The following ANKS1B variants were observed in gnomAD, a reference collection of about 807,000 sequenced individuals.
The protein encoded by ANKS1B is ankyrin repeat and sterile alpha motif domain-containing protein 1B.
A neutral mutation model predicts 148.3 loss-of-function variants in ANKS1B; 36 were observed. The ratio of observed to expected loss-of-function variants is 0.24; its 90% CI spans 0.19 to 0.32. ANKS1B has a LOEUF of 0.32. Ranked by LOEUF, ANKS1B falls within the 10% of genes least tolerant of loss-of-function variation. The pLI, the probability that ANKS1B is intolerant of heterozygous loss-of-function variation, is 1.00. For synonymous variants in ANKS1B, 542 were observed against 560.8 expected (o/e 0.97, Z 0.47); for missense variants, 1,157 against 1,542.6 (o/e 0.75, Z 4.19).
chr12:99,231,633 TAAG>T (rs984625895), intron 14 of ANKS1B, among the ~76,000 whole-genome samples: 31 of 151,248 alleles, frequency 2.0e-4, no homozygotes, highest in Non-Finnish European at 5.9e-5. Context: ...AGTTCTGTAA[TAAG>T]GAGATTGTAA....
intron 8 of ANKS1B, among the ~76,000 whole-genome samples, chr12:99,736,703 A>G (rs949077645): frequency 5.3e-5 from 8 of 152,100 alleles, no homozygotes; most frequent in African/African-American, 1.9e-4. Flanking sequence ...ATGGAATTAC[A>G]TTAAACTAAA....
chr12:99,293,321 G>T (rs1307595340), intron 12 of ANKS1B, among the ~76,000 whole-genome samples: 1 of 151,496 alleles, frequency 6.6e-6, no homozygotes, highest in African/African-American at 2.4e-5. Flanking sequence ...TGGACACAGG[G>T]TGGGGAACAT....
At chr12:99,962,902 C>A (rs569570491) in intron 1 of ANKS1B, among the ~76,000 whole-genome samples, 3 of 152,002 alleles carry the variant, frequency 2.0e-5, no homozygotes, top group Admixed American at 2.0e-4. Flanking sequence ...CCGGCTCCGC[C>A]TCCCGGGCTC....
At chr12:99,296,548 TC>T in intron 12 of ANKS1B, among the ~76,000 whole-genome samples, 1 of 152,352 alleles carries the variant, frequency 6.6e-6, no homozygotes, top group Non-Finnish European at 1.5e-5. Context: ...GAGATATCTT[TC>T]CTTGATTACC....
chr12:99,104,589 G>A (rs915980816), intron 15 of ANKS1B: 3 of 152,206 alleles, frequency 2.0e-5, no homozygotes, highest in Non-Finnish European at 2.9e-5. Flanking sequence ...AATAGGCATC[G>A]TTGCACTTGG....
chr12:98,796,104 GTAAT>G (rs1454896410), intron 22 of ANKS1B, among the ~76,000 whole-genome samples: 1 of 152,126 alleles, frequency 6.6e-6, no homozygotes, highest in Non-Finnish European at 1.5e-5. Flanking sequence ...CCACTTTGGG[GTAAT>G]TAAATGTTCA....
At position 98,751,638 on chromosome 12, in the gene ANKS1B, A is replaced by G; in HGVS notation, c.3580-116T>C. The G allele has an allele frequency of 1.0e-6, 1 of 952,722 alleles. No homozygotes were observed. The highest frequency in any genetic ancestry group is 1.6e-5 in the South Asian group (1 of 64,138). 59.0% of individuals were successfully genotyped at this position (952,722 alleles called of 1,614,324 possible). On this transcript the variant is annotated intron_variant, in intron 25 of 26. Coordinates refer to ENST00000683438, the MANE Select transcript of ANKS1B (RefSeq NM_001352186.2). The surrounding 1 kb of genome is among the most constrained non-coding windows in gnomAD (Gnocchi z 4.3). Reference sequence around the variant, plus strand: ...GGAGGAACTTGAACTACTTCACCAGAGGCAGCAGCGATTCGGTGGAAATCT... The same window carrying G: ...GGAGGAACTTGAACTACTTCACCAGGGGCAGCAGCGATTCGGTGGAAATCT...
chr12:99,749,391 A>G (rs1344441877), intron 8 of ANKS1B, among the ~76,000 whole-genome samples: 1 of 152,086 alleles, frequency 6.6e-6, no homozygotes, highest in Non-Finnish European at 1.5e-5. Flanking sequence ...GAACAAAACC[A>G]GTGTAGAGGA....
chr12:98,746,912 C>A (rs897983595), intron 26 of ANKS1B, among the ~76,000 whole-genome samples: 2 of 152,098 alleles, frequency 1.3e-5, no homozygotes, highest in Non-Finnish European at 2.9e-5. Context: ...ATACAGAAAT[C>A]AACTCAAAAT....
rs147564655 is a variant in ANKS1B, at chr12:98,943,091, G to A, written c.2778+110066C>T. 4.6e-5 allele frequency among the ~76,000 whole-genome samples: 7 copies of A among 152,260 alleles called. No individual in the cohort carries two copies. In the East Asian group the frequency reaches 9.7e-4, roughly 21 times the overall value. Reference sequence around the variant, plus strand: ...ATTCCTGTTTCCTTTATCTTCTTACGATTGTACACCCTGTTCAACCATCTT... The same window carrying A: ...ATTCCTGTTTCCTTTATCTTCTTACAATTGTACACCCTGTTCAACCATCTT... On this transcript the variant is annotated intron_variant, in intron 17 of 26. Coordinates refer to ENST00000683438, the MANE Select transcript of ANKS1B (RefSeq NM_001352186.2).
chr12:99,468,882 C>T (rs1478349053), intron 10 of ANKS1B, among the ~76,000 whole-genome samples: 6 of 152,040 alleles, frequency 3.9e-5, no homozygotes, highest in East Asian at 3.9e-4. Flanking sequence ...GTCAGTGTGG[C>T]GATTCCTCAG....
chr12:99,657,246 G>A (rs1399734758), intron 8 of ANKS1B, among the ~76,000 whole-genome samples: 2 of 152,082 alleles, frequency 1.3e-5, no homozygotes, highest in Admixed American at 6.6e-5. Flanking sequence ...CCAAGGTCAC[G>A]AAGCTGGCAA....
chr12:99,016,840 G>C (rs1345750569), intron 17 of ANKS1B, among the ~76,000 whole-genome samples: 1 of 152,150 alleles, frequency 6.6e-6, no homozygotes, highest in Non-Finnish European at 1.5e-5. Context: ...CAAAATAAAA[G>C]GGTTCTTGCC....
At chr12:99,645,940 C>G (rs1473045415) in intron 9 of ANKS1B, among the ~76,000 whole-genome samples, 1 of 151,246 alleles carries the variant, frequency 6.6e-6, no homozygotes, top group African/African-American at 2.4e-5. Flanking sequence ...TTCTGGCTTC[C>G]TTGGAGACCA....
chr12:99,755,206 A>C (rs2061455966), intron 8 of ANKS1B, among the ~76,000 whole-genome samples: 3 of 152,166 alleles, frequency 2.0e-5, no homozygotes, highest in African/African-American at 7.2e-5. Context: ...CAACCATCAA[A>C]GAATATTATG....
intron 14 of ANKS1B, among the ~76,000 whole-genome samples, chr12:99,197,459 C>A (rs2081523936): frequency 6.6e-6 from 1 of 152,012 alleles, no homozygotes; most frequent in South Asian, 2.1e-4. Flanking sequence ...GATGTTCATG[C>A]CTTAATCCTA....
In ANKS1B at chr12:99,722,083, C is replaced by G. The variant is rs1111996; in HGVS notation, c.1128+50839G>C. ...CTGCAGAAGAAAATTTTGAAGCTAG[C>G]AGGGGTTCATGAGGTTTAAGGAAAG... On this transcript the variant is annotated intron_variant, in intron 8 of 26. Transcript: ENST00000683438. Among the ~76,000 whole-genome samples, 157 of 152,278 alleles carry G rather than the reference C, an allele frequency of 1.0e-3. 3 individuals are homozygous for G. The East Asian group carries it at 0.029, about 28-fold the overall frequency.
chr12:99,947,902 T>A (rs182313851), intron 1 of ANKS1B, among the ~76,000 whole-genome samples: 1 of 152,286 alleles, frequency 6.6e-6, no homozygotes, highest in East Asian at 1.9e-4. Context: ...TGTGCTCATC[T>A]CCATCTTCAA....
intron 14 of ANKS1B, among the ~76,000 whole-genome samples, chr12:99,205,139 T>C (rs1166816671): frequency 6.6e-6 from 1 of 152,208 alleles, no homozygotes; most frequent in Non-Finnish European, 1.5e-5. Flanking sequence ...CTAAGTTGTT[T>C]TTCTGACCTT....
Sources: gnomAD v4.1 joint callset for allele counts (sites outside exome capture counted in the v4.1 genomes callset) on GRCh38, gnomAD v4.1.1 for gene constraint, Gnocchi (gnomAD v3.1) non-coding constraint, MANE v1.5 for transcripts, NCBI Gene and HGNC (gene_info 2026-07-23, HGNC 2026-07-21) for gene names.